The following BIRC6 variants were observed in gnomAD, a reference collection of about 807,000 sequenced individuals.
The protein encoded by BIRC6 is baculoviral IAP repeat containing 6, also known as dual E2 ubiquitin-conjugating enzyme/E3 ubiquitin-protein ligase BIRC6.
Under a neutral mutation model 503.3 loss-of-function variants are expected in BIRC6, and 98 were observed. The observed-to-expected ratio is 0.19, with a 90% CI of 0.17 to 0.23. BIRC6 has a LOEUF of 0.23. Ranked by LOEUF, BIRC6 falls within the 10% of genes least tolerant of loss-of-function variation. The pLI is 1.00. For missense variants in BIRC6, 5,360 were observed against 5,806.0 expected (o/e 0.92, Z 2.50); for synonymous variants, 2,240 against 2,078.7 (o/e 1.08, Z -2.11).
At chr2:32,479,014 C>T (rs781493899) in intron 36 of BIRC6, among the ~76,000 whole-genome samples, 196 bp downstream of exon 36, 17 of 152,028 alleles carry the variant, frequency 1.1e-4, no homozygotes, top group South Asian at 2.1e-4. Flanking sequence ...TTGATAGTCG[C>T]GATAAATGCA....
Position 32,514,075 on chromosome 2 carries a change from C to T in BIRC6, c.10569-915C>T, listed in dbSNP as rs867023731. ...CGAGACTCTGTCTCAAAAAAAATAA[C>T]TTTGGGGAGCTGAGATGGGAGGATC... On this transcript the variant is annotated intron_variant, in intron 54 of 73. Transcript: ENST00000421745. Among the ~76,000 whole-genome samples the T allele has an allele frequency of 6.3e-4, 96 of 152,126 alleles. 1 individual carries two copies. The highest frequency in any genetic ancestry group is 6.8e-3 in the Middle Eastern group (2 of 294).
intron 62 of BIRC6, among the ~76,000 whole-genome samples, chr2:32,543,880 G>C (rs2057858067): frequency 6.6e-6 from 1 of 152,120 alleles, no homozygotes; most frequent in African/African-American, 2.4e-5. Context: ...TGTATACTTA[G>C]CAAGTTATAA....
At chr2:32,478,904 T>G (rs527550889) in intron 36 of BIRC6, 86 bp downstream of exon 36, 2 of 1,329,676 alleles carry the variant, frequency 1.5e-6, no homozygotes, top group African/African-American at 3.0e-5. Flanking sequence ...CTTTAACCCC[T>G]AGAGGGATCT....
At chr2:32,529,931 GAT>G (rs1440100954) in intron 60 of BIRC6, 107 bp downstream of exon 60, 4 of 700,862 alleles carry the variant, frequency 5.7e-6, no homozygotes, top group Non-Finnish European at 8.1e-6. Flanking sequence ...ATCAACATAA[GAT>G]ATAATTTTTT....
At chr2:32,471,440 T>C (rs547192201) in intron 32 of BIRC6, among the ~76,000 whole-genome samples, 2 of 152,346 alleles carry the variant, frequency 1.3e-5, no homozygotes, top group East Asian at 3.9e-4. Flanking sequence ...AAGTGAGTTA[T>C]GAAAGGGAAA....
chr2:32,365,650 A>G (rs1007096260), intron 1 of BIRC6, among the ~76,000 whole-genome samples: 2 of 151,932 alleles, frequency 1.3e-5, no homozygotes, highest in Non-Finnish European at 2.9e-5. Context: ...TAAATTATAT[A>G]GTTCAGTTCA....
At chr2:32,439,719 C>T in intron 16 of BIRC6, 33 bp downstream of exon 16, 1 of 1,575,048 alleles carries the variant, frequency 6.3e-7, no homozygotes, top group East Asian at 2.2e-5. Context: ...AATAACAATA[C>T]AGTTTTAAAC....
chr2:32,572,500 G>A (rs1353212709), intron 65 of BIRC6, among the ~76,000 whole-genome samples: 1 of 152,190 alleles, frequency 6.6e-6, no homozygotes, highest in Non-Finnish European at 1.5e-5. Flanking sequence ...AATTTTAATA[G>A]ATAATGCCAG....
chr2:32,509,306 G>C (rs1244361275), intron 51 of BIRC6, among the ~76,000 whole-genome samples: 1 of 152,144 alleles, frequency 6.6e-6, no homozygotes. Context: ...CCAGGATGGA[G>C]TGCAGTGGTG....
In BIRC6 at chr2:32,442,057, T is replaced by G; in HGVS notation, c.3945-8T>G. ...TTGGTAATGTGTTTATATTTTCTTTTTTTGTAGAGTGCAACGATGTGCCAT... is the reference window on the plus strand; with the variant it reads ...TTGGTAATGTGTTTATATTTTCTTTGTTTGTAGAGTGCAACGATGTGCCAT... On this transcript the variant is annotated splice_polypyrimidine_tract_variant and splice_region_variant and intron_variant, in intron 17 of 73. Coordinates refer to ENST00000421745, the MANE Select transcript of BIRC6 (RefSeq NM_016252.4). 1.3e-6 allele frequency: 2 copies of G among 1,520,518 alleles called. No individual in the cohort carries two copies. The highest frequency in any genetic ancestry group is 8.8e-7 in the Non-Finnish European group (1 of 1,137,492). The allele number at this position is 1,520,518 out of a possible 1,614,324, so 94.2% of individuals were successfully genotyped here.
intron 67 of BIRC6, among the ~76,000 whole-genome samples, chr2:32,594,482 C>G (rs776999722): frequency 6.6e-6 from 1 of 152,132 alleles, no homozygotes; most frequent in African/African-American, 2.4e-5. Flanking sequence ...ATCACTTGAG[C>G]TCAGGAGTTC....
chr2:32,491,014 A>G (rs544845179), intron 43 of BIRC6, among the ~76,000 whole-genome samples: 2 of 152,342 alleles, frequency 1.3e-5, no homozygotes, highest in South Asian at 2.1e-4. Flanking sequence ...GTTAACCTGT[A>G]TACAACTAAC....
intron 20 of BIRC6, among the ~76,000 whole-genome samples, chr2:32,444,341 A>G (rs1057323713): frequency 1.3e-5 from 2 of 152,150 alleles, no homozygotes; most frequent in Non-Finnish European, 2.9e-5. Context: ...TTGCATCCAT[A>G]TTTCAAAACA....
chr2:32,511,201 C>CTTTTTTTTTTTTTTTTT, intron 53 of BIRC6, among the ~76,000 whole-genome samples: 84 of 48,588 alleles, frequency 1.7e-3, no homozygotes, highest in Middle Eastern at 0.026. Flanking sequence ...CTTTTCTTTT[C>CTTTTTTTTTTTTTTTTT]TTTTTTTTTT....
Position 32,468,227 on chromosome 2 carries a change from G to C in BIRC6, c.5780+116G>C, listed in dbSNP as rs1431314601. The C allele has an allele frequency of 3.5e-6, 4 of 1,127,586 alleles. No individual in the cohort carries two copies. The East Asian group carries it at 1.0e-4, about 29-fold the overall frequency. The allele number at this position is 1,127,586 out of a possible 1,614,324, so 69.8% of individuals were successfully genotyped here. Reference sequence around the variant, plus strand: ...AGGTGTACAGATAAGAGAGCAAGAGGAAGTAGGAGATTAGCACGTTACAAT... The same window carrying C: ...AGGTGTACAGATAAGAGAGCAAGAGCAAGTAGGAGATTAGCACGTTACAAT... On this transcript the variant is annotated intron_variant, in intron 28 of 73. Transcript: ENST00000421745.
At chr2:32,615,794 C>A (rs1396347117) in intron 73 of BIRC6, among the ~76,000 whole-genome samples, 1 of 152,082 alleles carries the variant, frequency 6.6e-6, no homozygotes, top group Non-Finnish European at 1.5e-5. Flanking sequence ...ACCACCACAC[C>A]CAGCTAATTT....
rs1439655530 is a variant in BIRC6, at chr2:32,618,538, C to T, written c.*634C>T. 1 of 152,420 alleles carries T rather than the reference C, an allele frequency of 6.6e-6. No individual in the cohort carries two copies. The highest frequency in any genetic ancestry group is 1.5e-5 in the Non-Finnish European group (1 of 68,008). The allele number at this position is 152,420 out of a possible 1,614,324, so 9.4% of individuals were successfully genotyped here. On this transcript the variant is annotated 3_prime_UTR_variant, in exon 74 of 74. Coordinates refer to ENST00000421745, the MANE Select transcript of BIRC6 (RefSeq NM_016252.4). ...TACATTCAACATATTTAATTTTATG[C>T]CTTCTAATTCTAAGATGCAGAAAAA...
chr2:32,509,892 G>A lies in BIRC6; in HGVS notation c.10135G>A (p.Glu3379Lys), dbSNP rs1184411130. 9 of 1,613,830 alleles carry A rather than the reference G, an allele frequency of 5.6e-6. No individual in the cohort carries two copies. The highest frequency in any genetic ancestry group is 1.3e-5 in the African/African-American group (1 of 74,904). The part of the protein sequence containing the change: ...PYCGMHSPNI[E>K]VVLVKIGLQS... Reference sequence around the variant, plus strand: ...CTGTGGAATGCATTCACCCAACATCGAGGTTGTGCTTGTAAAGATAGGACT... The same window carrying A: ...CTGTGGAATGCATTCACCCAACATCAAGGTTGTGCTTGTAAAGATAGGACT... Residue 3379 changes from glutamate (E) to lysine (K), a missense_variant, in exon 52 of 74, where the codon GAG becomes AAG. Around this residue, in one of 16 missense-constraint regions of BIRC6, gnomAD observed 878 missense variants for 928.9 expected, o/e 0.95. Coordinates refer to ENST00000421745, the MANE Select transcript of BIRC6 (RefSeq NM_016252.4).
chr2:32,432,679 G>T (rs1043958537), intron 12 of BIRC6, among the ~76,000 whole-genome samples: 2 of 151,604 alleles, frequency 1.3e-5, no homozygotes, highest in African/African-American at 4.9e-5. Context: ...AGAATCACTT[G>T]AGCCCAGGCG....
Sources: gnomAD v4.1 joint callset for allele counts (sites outside exome capture counted in the v4.1 genomes callset) on GRCh38, gnomAD v4.1.1 for gene constraint, gnomAD v4.1.1 regional missense constraint, MANE v1.5 for transcripts, NCBI Gene and HGNC (gene_info 2026-07-23, HGNC 2026-07-21) for gene names.